PDZD2: variants seen among roughly 807,000 people sequenced by gnomAD.
PDZD2 encodes PDZ domain containing 2.
Under a neutral mutation model 220.7 loss-of-function variants are expected in PDZD2, and 90 were observed. The observed-to-expected ratio is 0.41, with a 90% CI of 0.34 to 0.49. The LOEUF is 0.49. Ranked by LOEUF, PDZD2 falls within the 20% of genes least tolerant of loss-of-function variation. PDZD2 has a pLI of 0.28. For synonymous variants in PDZD2, 1,375 were observed against 1,450.5 expected (o/e 0.95, Z 1.18); for missense variants, 3,174 against 3,608.5 (o/e 0.88, Z 3.08).
At chr5:31,854,391 C>T (rs6864968) in intron 2 of PDZD2, among the ~76,000 whole-genome samples, 62,489 of 152,064 alleles carry the variant, frequency 0.41, 13,874 homozygotes, top group African/African-American at 0.59. Flanking sequence ...TTCAGTCGTG[C>T]AGTCACCGGC....
rs1741230359 is a variant in PDZD2, at chr5:31,893,300, G to C, written c.477-89855G>C. Among the ~76,000 whole-genome samples the C allele has an allele frequency of 1.3e-5, 2 of 152,192 alleles. 1 individual carries two copies. The highest frequency in any genetic ancestry group is 4.1e-4 in the South Asian group (2 of 4,834). Reference sequence around the variant, plus strand: ...AAAAACAAAAACCTGGCTGGGCGCGGTGGCTCGTGCCTGTAATCTCAGCAC... The same window carrying C: ...AAAAACAAAAACCTGGCTGGGCGCGCTGGCTCGTGCCTGTAATCTCAGCAC... On this transcript the variant is annotated intron_variant, in intron 2 of 24. Transcript: ENST00000438447.
chr5:32,002,441 A>G (rs1199648780), intron 5 of PDZD2, among the ~76,000 whole-genome samples: 2 of 152,102 alleles, frequency 1.3e-5, no homozygotes, highest in African/African-American at 4.8e-5. Flanking sequence ...GGGCGGCAGA[A>G]CAAACCCCGG....
intron 2 of PDZD2, among the ~76,000 whole-genome samples, chr5:31,827,551 G>A (rs1756300454): frequency 6.6e-6 from 1 of 151,908 alleles, no homozygotes; most frequent in African/African-American, 2.4e-5. Context: ...AAATTAGCTG[G>A]GTATGGTGGC....
chr5:31,854,065 A>C (rs1758218556), intron 2 of PDZD2, among the ~76,000 whole-genome samples: 1 of 152,202 alleles, frequency 6.6e-6, no homozygotes, highest in Non-Finnish European at 1.5e-5. Flanking sequence ...AATGGAAGAG[A>C]ATACAGCTGA....
chr5:32,061,227 G>T (rs1166492403), intron 14 of PDZD2, 93 bp downstream of exon 14: 1 of 1,275,074 alleles, frequency 7.8e-7, no homozygotes, highest in South Asian at 1.3e-5. Flanking sequence ...CCCAGCTGGG[G>T]ATAGGCAGGC....
chr5:32,001,367 T>C (rs1752090105), intron 5 of PDZD2, among the ~76,000 whole-genome samples: 1 of 152,208 alleles, frequency 6.6e-6, no homozygotes, highest in African/African-American at 2.4e-5. Flanking sequence ...CTGCTCTCAC[T>C]TGTGGCCTCT....
At chr5:31,720,494 G>A (rs1162627204) in intron 1 of PDZD2, among the ~76,000 whole-genome samples, 1 of 152,180 alleles carries the variant, frequency 6.6e-6, no homozygotes, top group Non-Finnish European at 1.5e-5. Context: ...AGCTGACAAA[G>A]GGCAGATTAA....
At position 32,000,465 on chromosome 5, in the gene PDZD2, G is replaced by T. The variant is rs914270322; in HGVS notation, c.1254+194G>T. On this transcript the variant is annotated intron_variant, in intron 5 of 24. Coordinates refer to ENST00000438447, the MANE Select transcript of PDZD2 (RefSeq NM_178140.4). The surrounding 1 kb of genome is among the most constrained non-coding windows in gnomAD (Gnocchi z 4.5). ...TAGCTGAAGTGCAGTTAGTTACTTG[G>T]CTTTCCTTAAGAAGTTTGTTTTTGT... Among the ~76,000 whole-genome samples the T allele has an allele frequency of 6.6e-6, 1 of 152,100 alleles. No homozygotes were observed. Among genetic ancestry groups the T allele is most frequent in the Non-Finnish European group, 1.5e-5 (1 of 68,026 alleles).
rs769215581 is a variant in PDZD2 at position 32,087,653 on chromosome 5, ACAC to A, written c.4208_4210del (p.Thr1403del). 2 of 1,613,988 alleles carry A rather than the reference ACAC, an allele frequency of 1.2e-6. No individual in the cohort carries two copies. Among genetic ancestry groups the A allele is most frequent in the Admixed American group, 3.3e-5 (2 of 60,000 alleles). On this transcript the variant is annotated inframe_deletion, in exon 20 of 25. Transcript: ENST00000438447. This position sits in a 1 kb window ranked among gnomAD's most constrained non-coding sequence, Gnocchi z 4.0. Reference sequence around the variant, plus strand: ...CTCTCCATGCTGCCATCCACTGACAACACCAAAGAAGCATGTGGCCATGTCTCG... The same window carrying A: ...CTCTCCATGCTGCCATCCACTGACAACAAAGAAGCATGTGGCCATGTCTCG...
chr5:31,724,268 G>GA (rs929976046), intron 1 of PDZD2, among the ~76,000 whole-genome samples: 2 of 152,058 alleles, frequency 1.3e-5, no homozygotes, highest in African/African-American at 4.8e-5. Flanking sequence ...ATGGGAACCA[G>GA]AAAAAAGTCA....
chr5:31,895,595 G>T (rs1483907845), intron 2 of PDZD2, among the ~76,000 whole-genome samples: 1 of 152,178 alleles, frequency 6.6e-6, no homozygotes, highest in Admixed American at 6.5e-5. Flanking sequence ...CATGTCTTCT[G>T]TTGGGATTTG....
intron 1 of PDZD2, chr5:31,787,583 G>A (rs1299867314): frequency 6.6e-6 from 1 of 151,926 alleles, no homozygotes; most frequent in Non-Finnish European, 1.5e-5. Context: ...ATAGCTGCCA[G>A]GTTATCCTTT....
intron 2 of PDZD2, among the ~76,000 whole-genome samples, chr5:31,967,376 A>G (rs1188010664): frequency 1.5e-4 from 23 of 152,168 alleles, no homozygotes; most frequent in Admixed American, 1.4e-3. Flanking sequence ...ATGCTGCACT[A>G]TGCGGGCTTG....
rs575102589 is a variant in PDZD2 at position 31,763,253 on chromosome 5, G to A, written c.-360-35636G>A. Among the ~76,000 whole-genome samples, 103 of 152,226 alleles carry A rather than the reference G, an allele frequency of 6.8e-4. 3 individuals carry two copies. In the South Asian group the frequency reaches 0.021, roughly 31 times the overall value. On this transcript the variant is annotated intron_variant, in intron 1 of 24. Coordinates refer to ENST00000438447, the MANE Select transcript of PDZD2 (RefSeq NM_178140.4). ...CTGCCCACAGAGCACCTCCCTGCCA[G>A]GGGCCACAGTCCCTAGGGCCTCCGG...
intron 1 of PDZD2, among the ~76,000 whole-genome samples, chr5:31,748,530 G>A (rs1392589492): frequency 6.6e-6 from 1 of 152,200 alleles, no homozygotes; most frequent in Non-Finnish European, 1.5e-5. Flanking sequence ...CCTCTTCAGA[G>A]AAGGCAGGAT....
chr5:31,752,073 GT>G (rs3032803), intron 1 of PDZD2, among the ~76,000 whole-genome samples: 32 of 95,068 alleles, frequency 3.4e-4, no homozygotes, highest in Middle Eastern at 7.9e-3. Flanking sequence ...TTTTGGGTTT[GT>G]TTTTTTTTTT....
At chr5:31,900,510 G>A (rs1395733334) in intron 2 of PDZD2, among the ~76,000 whole-genome samples, 1 of 151,852 alleles carries the variant, frequency 6.6e-6, no homozygotes, top group East Asian at 1.9e-4. Flanking sequence ...CTTAAGAAGG[G>A]AAAAGGGGTC....
intron 15 of PDZD2, 63 bp downstream of exon 15, chr5:32,069,713 G>A: frequency 1.2e-6 from 1 of 826,386 alleles, no homozygotes; most frequent in Non-Finnish European, 2.1e-6. Flanking sequence ...TCACCCACAG[G>A]CACTCCCCAG....
At chr5:32,101,337 C>T in intron 24 of PDZD2, 98 bp downstream of exon 24, 1 of 1,117,566 alleles carries the variant, frequency 8.9e-7, no homozygotes, top group South Asian at 1.6e-5. Context: ...ATCAAAAAAC[C>T]TAAACTGTTT....
Sources: allele counts gnomAD v4.1 joint callset (sites outside exome capture counted in the v4.1 genomes callset), GRCh38; gene constraint gnomAD v4.1.1; non-coding constraint Gnocchi (gnomAD v3.1); transcripts MANE v1.5; gene names NCBI Gene and HGNC (gene_info 2026-07-23, HGNC 2026-07-21).